Variants in TECPR2 observed in about 807,000 individuals in gnomAD.
TECPR2 encodes the protein tectonin beta-propeller repeat-containing protein 2.
In TECPR2, 65 loss-of-function variants were observed where a neutral mutation model predicts 138.1. The observed-to-expected ratio is 0.47, with a 90% CI of 0.39 to 0.58. The LOEUF (loss-of-function observed/expected upper bound fraction) is 0.58, where lower values mean the gene tolerates loss of function less well. Among genes scored for constraint, TECPR2 ranks in the 20% least tolerant of loss-of-function variants. TECPR2 has a pLI of 0.00. For missense variants in TECPR2, 1,553 were observed against 1,824.5 expected, an observed-to-expected ratio of 0.85 and a Z score of 2.71; for synonymous variants, 746 against 749.8, an observed-to-expected ratio of 0.99 and a Z score of 0.08.
At chr14:102,489,971 A>G (rs1009118525) in intron 17 of TECPR2, among the ~76,000 whole-genome samples, 17 of 152,186 alleles carry the variant, frequency 1.1e-4, no homozygotes, top group African/African-American at 3.9e-4. Context: ...CACTTACATC[A>G]GTGCCTCCAC....
Position 102,434,727 on chromosome 14 carries a change from G to A in TECPR2, c.1910G>A (p.Ser637Asn). The change falls in exon 9 of 20, where the codon AGC becomes AAC. Residue 637 changes from serine (S) to asparagine (N), a missense_variant. By Grantham distance (46) the Ser-to-Asn change is conservative. Coordinates refer to ENST00000359520, the MANE Select transcript of TECPR2 (RefSeq NM_014844.5). ...GEDIQPIGPQ[S>N]TFCEVPLLNS... is the part of the protein sequence containing the mutation. ...GACATCCAACCCATTGGCCCCCAAAGCACTTTTTGTGAAGTCCCCCTCCTG... is the reference window on the plus strand; with the variant it reads ...GACATCCAACCCATTGGCCCCCAAAACACTTTTTGTGAAGTCCCCCTCCTG... The A allele has an allele frequency of 1.2e-6, 2 of 1,613,790 alleles. No individual in the cohort carries two copies. The highest frequency in any genetic ancestry group is 2.2e-5 in the East Asian group (1 of 44,888).
chr14:102,498,022 C>CGCCCAAGTTCCCAGCTCCATCTGT, intron 19 of TECPR2, 81 bp from the exon 20 acceptor site: 1 of 1,510,190 alleles, frequency 6.6e-7, no homozygotes. Flanking sequence ...CCCAGACCTG[C>CGCCCAAGTTCCCAGCTCCATCTGT]GCCCAAGCTC....
At chr14:102,438,791 C>G (rs190905779) in intron 10 of TECPR2, among the ~76,000 whole-genome samples, 1 of 151,860 alleles carries the variant, frequency 6.6e-6, no homozygotes, top group African/African-American at 2.4e-5. Flanking sequence ...GTTTCCTGAA[C>G]GATGTTCTCC....
chr14:102,499,313 T>C lies in TECPR2; in HGVS notation c.*1056T>C. ...ATCCTCAGAGGACGAGTCTACTAAT[T>C]ATTGCCTTTGTTGTTGTATTACAAA... On this transcript the variant is annotated 3_prime_UTR_variant, in exon 20 of 20. Coordinates refer to ENST00000359520, the MANE Select transcript of TECPR2 (RefSeq NM_014844.5). 1 of 611,592 alleles carries C rather than the reference T, an allele frequency of 1.6e-6. No individual in the cohort carries two copies. Among genetic ancestry groups the C allele is most frequent in the Non-Finnish European group, 3.0e-6 (1 of 338,106 alleles). The allele number at this position is 611,592 out of a possible 1,614,324, so 37.9% of individuals were successfully genotyped here. A position where few individuals can be genotyped will look rare whatever the true frequency, so the allele number is the denominator to read the frequency against.
chr14:102,498,602 A>C lies in TECPR2; in HGVS notation c.*345A>C. ...GGAGTGGTCTCCGGAGGCCTCCCAG[A>C]ACCAAGGGTAGCCGGGCAGCTGGTT... On this transcript the variant is annotated 3_prime_UTR_variant, in exon 20 of 20. Coordinates refer to ENST00000359520, the MANE Select transcript of TECPR2 (RefSeq NM_014844.5). 1 of 423,624 alleles carries C rather than the reference A, an allele frequency of 2.4e-6. No homozygotes were observed. 26.2% of individuals were successfully genotyped at this position (423,624 alleles called of 1,614,324 possible). A position where few individuals can be genotyped will look rare whatever the true frequency, so the allele number is the denominator to read the frequency against.
intron 17 of TECPR2, among the ~76,000 whole-genome samples, chr14:102,476,986 T>C (rs1186055111): frequency 6.6e-6 from 1 of 152,140 alleles, no homozygotes; most frequent in Non-Finnish European, 1.5e-5. Context: ...GAGGCTGCAG[T>C]GAGCCATGAT....
chr14:102,477,511 T>A (rs1008114790), intron 17 of TECPR2, among the ~76,000 whole-genome samples: 1 of 150,856 alleles, frequency 6.6e-6, no homozygotes, highest in African/African-American at 2.4e-5. Context: ...ACTTTAAATG[T>A]GTGCATTTCA....
chr14:102,494,792 C>G (rs1397634605), intron 17 of TECPR2, among the ~76,000 whole-genome samples: 3 of 151,166 alleles, frequency 2.0e-5, no homozygotes, highest in Non-Finnish European at 4.4e-5. Flanking sequence ...CCATTGCACT[C>G]CAGCCTGGGT....
At position 102,368,361 on chromosome 14, in the gene TECPR2, A is replaced by G. The variant is rs561672515; in HGVS notation, c.-73+5245A>G. The stretch of plus-strand genomic sequence containing the variant: ...GAGAAATGTTTCTTAGACTTTGCCC[A>G]TTGTAAAATTGTCTTTTGTTGTTGT... On this transcript the variant is annotated intron_variant, in intron 1 of 19. Coordinates refer to ENST00000359520, the MANE Select transcript of TECPR2 (RefSeq NM_014844.5). Among the ~76,000 whole-genome samples, 6 of 152,142 alleles carry G rather than the reference A, an allele frequency of 3.9e-5. 1 individual carries two copies. Among genetic ancestry groups the G allele is most frequent in the African/African-American group, 1.4e-4 (6 of 41,542 alleles).
chr14:102,367,932 G>A (rs1331585800), intron 1 of TECPR2, among the ~76,000 whole-genome samples: 3 of 146,408 alleles, frequency 2.0e-5, no homozygotes, highest in Admixed American at 2.0e-4. Context: ...TCTCCTTGTG[G>A]TTTCGATTTG....
At chr14:102,451,339 T>C (rs570570101) in intron 15 of TECPR2, among the ~76,000 whole-genome samples, 1 of 152,304 alleles carries the variant, frequency 6.6e-6, no homozygotes, top group South Asian at 2.1e-4. Context: ...AAATCTGTGG[T>C]GAAGAGGGAA....
intron 1 of TECPR2, among the ~76,000 whole-genome samples, chr14:102,372,832 A>G (rs1297877188): frequency 6.6e-6 from 1 of 152,084 alleles, no homozygotes; most frequent in Non-Finnish European, 1.5e-5. Flanking sequence ...AGGCACAAGA[A>G]TCACTTGAAC....
At chr14:102,406,344 C>T (rs1016462801) in intron 2 of TECPR2, among the ~76,000 whole-genome samples, 2 of 150,694 alleles carry the variant, frequency 1.3e-5, no homozygotes, top group African/African-American at 2.5e-5. Flanking sequence ...GTCAGGAGAT[C>T]GAGACCATCC....
chr14:102,442,323 C>G (rs1331918377), intron 11 of TECPR2, among the ~76,000 whole-genome samples: 1 of 152,208 alleles, frequency 6.6e-6, no homozygotes, highest in Non-Finnish European at 1.5e-5. Context: ...GATGAGTCTT[C>G]AGGTTGAAGC....
chr14:102,409,098 G>A lies in TECPR2; in HGVS notation c.480+479G>A, dbSNP rs1054469397. Among the ~76,000 whole-genome samples the A allele has an allele frequency of 4.6e-5, 7 of 152,308 alleles. No individual in the cohort carries two copies. The South Asian group carries it at 6.2e-4, about 14-fold the overall frequency. On this transcript the variant is annotated intron_variant, in intron 4 of 19. Transcript: ENST00000359520. The stretch of plus-strand genomic sequence containing the variant: ...GAGATCCAGGAACTAGTCCAGGGGT[G>A]CAGGCTTGCACCTCACAGAGCTTGC...
Position 102,499,030 on chromosome 14 carries a change from TCACCA to T in TECPR2, c.*793_*797del, listed in dbSNP as rs10531276. On this transcript the variant is annotated 3_prime_UTR_variant, in exon 20 of 20. Transcript: ENST00000359520. The stretch of plus-strand genomic sequence containing the variant: ...GCACCGCACCGTACCTCGCCACATC[TCACCA>T]CACCACACCACACCACACCTCACTG... 0.092 allele frequency: 63,977 copies of T among 698,946 alleles called. 8,121 individuals are homozygous for T. The highest frequency in any genetic ancestry group is 0.49 in the East Asian group (17,987 of 37,000). 43.3% of individuals were successfully genotyped at this position (698,946 alleles called of 1,614,324 possible).
At chr14:102,486,840 G>C (rs1891038616) in intron 17 of TECPR2, among the ~76,000 whole-genome samples, 1 of 152,208 alleles carries the variant, frequency 6.6e-6, no homozygotes, top group Admixed American at 6.5e-5. Context: ...CTATTAACAT[G>C]GGTATCGGGT....
intron 1 of TECPR2, among the ~76,000 whole-genome samples, chr14:102,371,212 G>A (rs1372162779): frequency 1.3e-5 from 2 of 152,174 alleles, no homozygotes; most frequent in African/African-American, 4.8e-5. Flanking sequence ...TGAGACCTGG[G>A]GGTTGGGTGA....
At position 102,498,613 on chromosome 14, in the gene TECPR2, G is replaced by A. The variant is rs1891357895; in HGVS notation, c.*356G>A. On this transcript the variant is annotated 3_prime_UTR_variant, in exon 20 of 20. Coordinates refer to ENST00000359520, the MANE Select transcript of TECPR2 (RefSeq NM_014844.5). ...CGGAGGCCTCCCAGAACCAAGGGTA[G>A]CCGGGCAGCTGGTTTGGCCCAGGGC... 1 of 415,514 alleles carries A rather than the reference G, an allele frequency of 2.4e-6. No individual in the cohort carries two copies. The highest frequency in any genetic ancestry group is 4.5e-6 in the Non-Finnish European group (1 of 219,868). 25.7% of individuals were successfully genotyped at this position (415,514 alleles called of 1,614,324 possible). A position where few individuals can be genotyped will look rare whatever the true frequency, so the allele number is the denominator to read the frequency against.
Sources: gnomAD v4.1 joint callset for allele counts (sites outside exome capture counted in the v4.1 genomes callset) on GRCh38, gnomAD v4.1.1 for gene constraint, MANE v1.5 for transcripts, NCBI Gene and HGNC (gene_info 2026-07-23, HGNC 2026-07-21) for gene names.